ASB3: variants seen among roughly 807,000 people sequenced by gnomAD.
ASB3 encodes the protein ankyrin repeat and SOCS box protein 3.
In ASB3, 41 loss-of-function variants were observed where a neutral mutation model predicts 54.5. That is an observed-to-expected ratio of 0.75 (90% confidence interval 0.59 to 0.98). The LOEUF is 0.98. ASB3 is among the 50% of genes least tolerant of loss of function. The pLI is 0.00. For synonymous variants in ASB3, 266 were observed against 221.2 expected, an observed-to-expected ratio of 1.20 and a Z score of -1.80; for missense variants, 733 against 620.0, an observed-to-expected ratio of 1.18 and a Z score of -1.94.
At chr2:53,716,480 C>G in intron 6 of ASB3, 86 bp downstream of exon 6, 2 of 1,495,210 alleles carry the variant, frequency 1.3e-6, no homozygotes, top group East Asian at 4.6e-5. Flanking sequence ...AAAGACTTTG[C>G]CTAGAGGTGA....
intron 1 of ASB3, among the ~76,000 whole-genome samples, chr2:53,772,544 C>G (rs1285450713): frequency 1.3e-5 from 2 of 151,576 alleles, no homozygotes; most frequent in Non-Finnish European, 2.9e-5. Context: ...ACGGAAATAC[C>G]TGCCCCCGAC....
chr2:53,765,217 G>A, intron 2 of ASB3, 160 bp downstream of exon 2: 1 of 626,388 alleles, frequency 1.6e-6, no homozygotes, highest in Non-Finnish European at 2.0e-6. Context: ...TGAATCCAAG[G>A]CAGGCAATCT....
At chr2:53,733,902 G>T (rs1572931981) in intron 3 of ASB3, among the ~76,000 whole-genome samples, 1 of 152,238 alleles carries the variant, frequency 6.6e-6, no homozygotes, top group African/African-American at 2.4e-5. Flanking sequence ...TGTTTCTACA[G>T]ATTATAGATT....
At chr2:53,767,812 A>C in intron 1 of ASB3, 1 of 1,529,266 alleles carries the variant, frequency 6.5e-7, no homozygotes, top group Non-Finnish European at 8.8e-7. Context: ...TTACTCGCTT[A>C]CCGGAGGCTT....
At chr2:53,696,950 A>G (rs1669215286) in intron 8 of ASB3, among the ~76,000 whole-genome samples, 1 of 152,148 alleles carries the variant, frequency 6.6e-6, no homozygotes, top group Admixed American at 6.5e-5. Flanking sequence ...TAGGTAAAAT[A>G]AGGCTGAGAC....
At chr2:53,746,699 C>T (rs1379461003) in intron 3 of ASB3, among the ~76,000 whole-genome samples, 3 of 151,968 alleles carry the variant, frequency 2.0e-5, no homozygotes, top group African/African-American at 7.2e-5. Flanking sequence ...AGGCTGGTCT[C>T]GAACCCCTGA....
intron 3 of ASB3, among the ~76,000 whole-genome samples, chr2:53,730,285 C>T (rs897266927): frequency 6.6e-6 from 1 of 152,076 alleles, no homozygotes; most frequent in Non-Finnish European, 1.5e-5. Flanking sequence ...CACACACACA[C>T]CATTAGCAAA....
At chr2:53,764,480 T>C (rs1673324178) in intron 2 of ASB3, among the ~76,000 whole-genome samples, 1 of 152,194 alleles carries the variant, frequency 6.6e-6, no homozygotes, top group African/African-American at 2.4e-5. Flanking sequence ...TTTTTATAAA[T>C]ATTAGATAAA....
chr2:53,724,114 A>G (rs74365592), intron 5 of ASB3, among the ~76,000 whole-genome samples: 3,135 of 152,308 alleles, frequency 0.021, 45 homozygotes, highest in Non-Finnish European at 0.029. Context: ...TCTTTAGATT[A>G]ATTAAGCTCT....
chr2:53,704,828 G>C (rs893696265), intron 7 of ASB3, among the ~76,000 whole-genome samples: 2 of 152,148 alleles, frequency 1.3e-5, no homozygotes, highest in African/African-American at 4.8e-5. Context: ...ATTTTATCAA[G>C]ATGATTCCCT....
At chr2:53,672,895 C>T (rs1310948166) in intron 9 of ASB3, among the ~76,000 whole-genome samples, 1 of 152,174 alleles carries the variant, frequency 6.6e-6, no homozygotes, top group Admixed American at 6.5e-5. Flanking sequence ...CTTTTGCATT[C>T]TACTTTGCCT....
intron 1 of ASB3, among the ~76,000 whole-genome samples, chr2:53,785,025 C>T (rs2104238620): frequency 6.6e-6 from 1 of 152,324 alleles, no homozygotes; most frequent in South Asian, 2.1e-4. Flanking sequence ...TCTTACACTC[C>T]AGCCACACTG....
Position 53,715,055 on chromosome 2 carries a change from T to A in ASB3, c.783-474A>T, listed in dbSNP as rs144381600. Among the ~76,000 whole-genome samples the A allele has an allele frequency of 2.0e-3, 298 of 152,244 alleles. 2 individuals carry two copies. Among genetic ancestry groups the A allele is most frequent in the South Asian group, 0.014 (69 of 4,826 alleles). Reference sequence around the variant, plus strand: ...AAATTTTTAAAGATGATAACTGGCATGAAATTAAGACTAATGTTTTCATCA... The same window carrying A: ...AAATTTTTAAAGATGATAACTGGCAAGAAATTAAGACTAATGTTTTCATCA... On this transcript the variant is annotated intron_variant, in intron 6 of 9. Coordinates refer to ENST00000263634, the MANE Select transcript of ASB3 (RefSeq NM_016115.5).
At chr2:53,777,019 A>C (rs187753441) in intron 1 of ASB3, among the ~76,000 whole-genome samples, 1 of 152,166 alleles carries the variant, frequency 6.6e-6, no homozygotes, top group Non-Finnish European at 1.5e-5. Flanking sequence ...CCTATGGTTC[A>C]TTTTACCTTT....
Position 53,717,737 on chromosome 2 carries a change from T to C in ASB3, c.605-994A>G, listed in dbSNP as rs923958254. The stretch of plus-strand genomic sequence containing the variant: ...ACAGATAAAGAATTCAAAGCAAGGA[T>C]TGCAAGGAAGCTCAACAAGATCCAG... On this transcript the variant is annotated intron_variant, in intron 5 of 9. Coordinates refer to ENST00000263634, the MANE Select transcript of ASB3 (RefSeq NM_016115.5). Among the ~76,000 whole-genome samples the C allele has an allele frequency of 1.6e-4, 25 of 151,918 alleles. No individual in the cohort carries two copies. The East Asian group carries it at 2.1e-3, about 13-fold the overall frequency.
intron 9 of ASB3, among the ~76,000 whole-genome samples, chr2:53,679,375 G>C (rs1668244841): frequency 6.6e-6 from 1 of 151,948 alleles, no homozygotes; most frequent in Non-Finnish European, 1.5e-5. Flanking sequence ...TCCTCAGCAA[G>C]ACTTTACTCC....
chr2:53,768,493 T>C (rs1673657953), intron 1 of ASB3, among the ~76,000 whole-genome samples: 1 of 152,258 alleles, frequency 6.6e-6, no homozygotes, highest in Non-Finnish European at 1.5e-5. Context: ...AACGTGCATG[T>C]TACTTCTAGG....
chr2:53,772,269 G>A (rs1441388631), intron 1 of ASB3, among the ~76,000 whole-genome samples: 11 of 152,028 alleles, frequency 7.2e-5, no homozygotes, highest in Non-Finnish European at 1.5e-4. Context: ...CCGCCTCCCG[G>A]GTTCACGCCA....
intron 1 of ASB3, among the ~76,000 whole-genome samples, chr2:53,783,639 G>A: frequency 6.6e-6 from 1 of 152,108 alleles, no homozygotes; most frequent in East Asian, 1.9e-4. Flanking sequence ...AAAAGAAAGA[G>A]ACTGGCATTA....
Sources: gnomAD v4.1 joint callset for allele counts (sites outside exome capture counted in the v4.1 genomes callset) on GRCh38, gnomAD v4.1.1 for gene constraint, MANE v1.5 for transcripts, NCBI Gene and HGNC (gene_info 2026-07-23, HGNC 2026-07-21) for gene names.